SHOC2: variants seen among roughly 807,000 people sequenced by gnomAD.
The protein encoded by SHOC2 is leucine-rich repeat protein SHOC-2.
A neutral mutation model predicts 50.2 loss-of-function variants in SHOC2; 4 were observed. The ratio of observed to expected loss-of-function variants is 0.08; its 90% CI spans 0.04 to 0.18. The LOEUF (loss-of-function observed/expected upper bound fraction) is 0.18, where lower values mean the gene tolerates loss of function less well. Ranked by LOEUF, SHOC2 falls within the 10% of genes least tolerant of loss-of-function variation. The pLI is 1.00. For synonymous variants in SHOC2, 218 were observed against 244.5 expected (o/e 0.89, Z 1.01); for missense variants, 388 against 669.6 (o/e 0.58, Z 4.64).
At chr10:110,922,839 C>T (rs1226325453) in intron 1 of SHOC2, among the ~76,000 whole-genome samples, 1 of 151,916 alleles carries the variant, frequency 6.6e-6, no homozygotes, top group Admixed American at 6.5e-5. Flanking sequence ...CTTAATGAGA[C>T]TAGTAGGGAT....
At chr10:110,920,648 T>A (rs1367312467) in intron 1 of SHOC2, among the ~76,000 whole-genome samples, 1 of 152,220 alleles carries the variant, frequency 6.6e-6, no homozygotes, top group East Asian at 1.9e-4. Context: ...ATGCTTTGTG[T>A]GTGTGTTTAA....
upstream of SHOC2, chr10:110,919,458 T>G (rs1846552637): frequency 1.3e-5 from 5 of 393,778 alleles, no homozygotes; most frequent in East Asian, 1.8e-4. Context: ...CCCATTTTTC[T>G]TGCCTAGCGA....
intron 1 of SHOC2, among the ~76,000 whole-genome samples, chr10:110,950,635 A>C (rs954282103): frequency 1.3e-5 from 2 of 152,306 alleles, no homozygotes; most frequent in South Asian, 2.1e-4. Context: ...CTACAAACCT[A>C]GTAATCCAAA....
At chr10:110,996,361 C>G (rs1407743659) in intron 3 of SHOC2, among the ~76,000 whole-genome samples, 1 of 151,926 alleles carries the variant, frequency 6.6e-6, no homozygotes, top group East Asian at 1.9e-4. Flanking sequence ...AACTCTATCT[C>G]TACAAAAATA....
At chr10:110,979,943 A>G (rs1489414745) in intron 2 of SHOC2, among the ~76,000 whole-genome samples, 1 of 152,200 alleles carries the variant, frequency 6.6e-6, no homozygotes, top group Non-Finnish European at 1.5e-5. Flanking sequence ...GTACTGGGCC[A>G]CCAACTGTTT....
Position 110,961,380 on chromosome 10 carries a change from C to G in SHOC2, c.-234-2745C>G, listed in dbSNP as rs1472452454. On this transcript the variant is annotated intron_variant, in intron 1 of 8. Coordinates refer to ENST00000369452, the MANE Select transcript of SHOC2 (RefSeq NM_007373.4). The stretch of plus-strand genomic sequence containing the variant: ...TTATCTAAAACGTTTGACAGTGTCA[C>G]CTGATTCAGGTCTGAACTAGATCCA... Among the ~76,000 whole-genome samples, 5 of 152,246 alleles carry G rather than the reference C, an allele frequency of 3.3e-5. No homozygotes were observed. In the South Asian group the frequency reaches 8.3e-4, roughly 25 times the overall value.
intron 1 of SHOC2, among the ~76,000 whole-genome samples, chr10:110,930,735 CTTT>C (rs772553111): frequency 6.2e-5 from 6 of 96,810 alleles, no homozygotes; most frequent in African/African-American, 1.4e-4. Context: ...ACGAGTAAAT[CTTT>C]TTTTTTTTTT....
chr10:110,928,282 A>T (rs547342381), intron 1 of SHOC2, among the ~76,000 whole-genome samples: 5 of 152,046 alleles, frequency 3.3e-5, no homozygotes, highest in Admixed American at 6.6e-5. Context: ...ACACTACTGC[A>T]CTCCAGCCTG....
intron 2 of SHOC2, among the ~76,000 whole-genome samples, chr10:110,982,190 A>AT (rs1347158046): frequency 6.7e-6 from 1 of 148,286 alleles, no homozygotes; most frequent in Non-Finnish European, 1.5e-5. Flanking sequence ...TGAACTCATC[A>AT]TTTTTTATGG....
intron 1 of SHOC2, among the ~76,000 whole-genome samples, chr10:110,921,342 A>T (rs1485278899): frequency 2.0e-5 from 3 of 152,224 alleles, no homozygotes; most frequent in African/African-American, 7.2e-5. Context: ...CTTTTTATGT[A>T]ATTATAAATA....
At chr10:111,009,601 T>C in intron 7 of SHOC2, 112 bp from the exon 8 acceptor site, 1 of 822,876 alleles carries the variant, frequency 1.2e-6, no homozygotes, top group East Asian at 2.7e-5. Context: ...TCTCATTCTA[T>C]CCAATCTGGT....
At chr10:110,981,573 G>A (rs1466482072) in intron 2 of SHOC2, among the ~76,000 whole-genome samples, 1 of 152,186 alleles carries the variant, frequency 6.6e-6, no homozygotes, top group Non-Finnish European at 1.5e-5. Flanking sequence ...CTGGAAGTCG[G>A]CTGTAAGTTT....
At chr10:110,981,931 TG>T (rs1847987381) in intron 2 of SHOC2, among the ~76,000 whole-genome samples, 1 of 141,982 alleles carries the variant, frequency 7.0e-6, no homozygotes, top group Admixed American at 7.1e-5. Flanking sequence ...TGTATACATG[TG>T]CCATGCTGGT....
chr10:110,980,158 CTTTTTTTT>C (rs745350568), intron 2 of SHOC2, among the ~76,000 whole-genome samples: 1 of 135,952 alleles, frequency 7.4e-6, no homozygotes, highest in Non-Finnish European at 1.6e-5. Flanking sequence ...ATTCCTGTCA[CTTTTTTTT>C]TTTTTTTTTT....
chr10:111,001,812 C>T (rs1189204314), intron 4 of SHOC2, among the ~76,000 whole-genome samples: 3 of 150,676 alleles, frequency 2.0e-5, no homozygotes, highest in Non-Finnish European at 4.4e-5. Flanking sequence ...GGCAGGCGGG[C>T]GGATCACTTG....
intron 1 of SHOC2, among the ~76,000 whole-genome samples, chr10:110,952,129 C>G (rs982784143): frequency 6.6e-6 from 1 of 151,820 alleles, no homozygotes; most frequent in Non-Finnish European, 1.5e-5. Context: ...TGCCTTTTTA[C>G]GTTTTGTTTT....
intron 1 of SHOC2, among the ~76,000 whole-genome samples, chr10:110,932,723 A>G (rs1564702529): frequency 1.3e-5 from 2 of 152,154 alleles, no homozygotes; most frequent in Admixed American, 1.3e-4. Flanking sequence ...TTGTGCTTCA[A>G]CAGCACTTAC....
intron 3 of SHOC2, among the ~76,000 whole-genome samples, chr10:110,999,298 C>CT (rs1032475809): frequency 2.0e-5 from 3 of 152,180 alleles, no homozygotes; most frequent in African/African-American, 2.4e-5. Flanking sequence ...GTCTTGTTAG[C>CT]TTTTTTTGTA....
intron 1 of SHOC2, among the ~76,000 whole-genome samples, chr10:110,922,027 G>A (rs1016102323): frequency 5.9e-5 from 9 of 151,658 alleles, no homozygotes; most frequent in Admixed American, 4.6e-4. Context: ...TGTTTTTCTG[G>A]TAGTTGTAGC....
Sources: allele counts gnomAD v4.1 joint callset (sites outside exome capture counted in the v4.1 genomes callset), GRCh38; gene constraint gnomAD v4.1.1; transcripts MANE v1.5; gene names NCBI Gene and HGNC (gene_info 2026-07-23, HGNC 2026-07-21).